The following GSE1 variants were observed in gnomAD, a reference collection of about 807,000 sequenced individuals.
GSE1 encodes genetic suppressor element 1.
GSE1 carries 32 observed loss-of-function variants against 112.6 expected under a neutral mutation model. That is an observed-to-expected ratio of 0.28 (90% CI 0.21 to 0.38). The LOEUF (loss-of-function observed/expected upper bound fraction) is 0.38. Ranked by LOEUF, GSE1 falls within the 10% of genes least tolerant of loss-of-function variation. The probability of loss-of-function intolerance (pLI) is 1.00; values close to 1 mark genes in which losing one functional copy is unlikely to be tolerated. For missense variants in GSE1, 2,348 were observed against 1,699.2 expected (o/e 1.38, Z -6.71); for synonymous variants, 1,115 against 735.6 (o/e 1.52, Z -8.35).
chr16:85,418,953 A>G (rs975857489), intron 2 of GSE1, among the ~76,000 whole-genome samples: 48 of 152,274 alleles, frequency 3.2e-4, no homozygotes, highest in African/African-American at 1.1e-3. Context: ...TAGTGTTGCC[A>G]GGAGGAGCAG....
intron 2 of GSE1, among the ~76,000 whole-genome samples, chr16:85,521,699 C>T (rs758782404): frequency 1.6e-4 from 25 of 152,234 alleles, no homozygotes; most frequent in Non-Finnish European, 3.2e-4. Flanking sequence ...TTCCATCTCC[C>T]GCCTGGAGGA....
intron 2 of GSE1, among the ~76,000 whole-genome samples, chr16:85,456,641 G>GTGTGT (rs1567502079): frequency 1.4e-4 from 13 of 94,038 alleles, no homozygotes; most frequent in African/African-American, 2.5e-4. Flanking sequence ...TGTGTGTGTG[G>GTGTGT]TCTGCCATTT....
chr16:85,188,280 G>A lies in GSE1; in HGVS notation c.2283+16473G>A, dbSNP rs189248456. On this transcript the variant is annotated intron_variant, in intron 1 of 2. Coordinates refer to the GSE1 transcript ENST00000637419. ...ACCTGCTGCCTGACCGTCTGTCTGCGGGCCCTGTTCCCTCATCTGTATATG... is the reference window on the plus strand; with the variant it reads ...ACCTGCTGCCTGACCGTCTGTCTGCAGGCCCTGTTCCCTCATCTGTATATG... 8.6e-3 allele frequency among the ~76,000 whole-genome samples: 1,220 copies of A among 141,324 alleles called. 3 individuals are homozygous for A. Among genetic ancestry groups the A allele is most frequent in the Non-Finnish European group, 0.015 (930 of 63,892 alleles). 92.7% of individuals were successfully genotyped at this position (141,324 alleles called of 152,430 possible). A position where few individuals can be genotyped will look rare whatever the true frequency, so the allele number is the denominator to read the frequency against.
At chr16:85,306,585 G>C (rs1256858822) in intron 1 of GSE1, among the ~76,000 whole-genome samples, 1 of 152,174 alleles carries the variant, frequency 6.6e-6, no homozygotes, top group African/African-American at 2.4e-5. Context: ...GGTCTCCTCT[G>C]TCACCCAGGC....
chr16:85,396,231 G>A (rs1195409380), intron 2 of GSE1, among the ~76,000 whole-genome samples: 5 of 152,214 alleles, frequency 3.3e-5, no homozygotes, highest in African/African-American at 9.7e-5. Context: ...GAGGCAGGAG[G>A]ATAACACGCT....
At position 85,666,271 on chromosome 16, in the gene GSE1, T is replaced by C; in HGVS notation, c.3054T>C (p.Phe1018=). The change falls in exon 13 of 16, where the codon TTT becomes TTC. Residue 1018 remains phenylalanine, a synonymous_variant. Transcript: ENST00000253458. ...TNGKSKPWEP[F]VAEEFAHQFH... ...GGAAGAGCAAGCCGTGGGAGCCCTT[T>C]GTGGCAGAAGAGTTTGCACATCAGT... is the stretch of plus-strand genomic sequence containing the variant. 1.2e-6 allele frequency: 2 copies of C among 1,613,886 alleles called. No individual in the cohort carries two copies. The highest frequency in any genetic ancestry group is 1.1e-5 in the South Asian group (1 of 91,086).
intron 2 of GSE1, among the ~76,000 whole-genome samples, chr16:85,472,270 G>C (rs1054283410): frequency 3.9e-5 from 6 of 152,216 alleles, no homozygotes; most frequent in Non-Finnish European, 8.8e-5. Flanking sequence ...TTACAGACCA[G>C]GAGTCCAAAA....
At chr16:85,655,582 C>A in intron 5 of GSE1, 144 bp from the exon 6 acceptor site, 2 of 590,930 alleles carry the variant, frequency 3.4e-6, no homozygotes, top group Admixed American at 3.3e-5. Context: ...GGGCTAGCAG[C>A]AGGCATGGTC....
chr16:85,263,412 AAC>A (rs1165731313), intron 1 of GSE1, among the ~76,000 whole-genome samples: 10 of 152,080 alleles, frequency 6.6e-5, no homozygotes, highest in Non-Finnish European at 1.0e-4. Flanking sequence ...CTGCGTCTCT[AAC>A]AAGTTTCCAG....
intron 2 of GSE1, among the ~76,000 whole-genome samples, chr16:85,410,281 A>C (rs2048478724): frequency 2.3e-5 from 1 of 42,684 alleles, no homozygotes; most frequent in Non-Finnish European, 3.6e-5. Context: ...GATAATCCTC[A>C]CCGTTGCACT....
intron 2 of GSE1, among the ~76,000 whole-genome samples, chr16:85,478,927 CTCTTTCTTTCTTTCTTTCTTTT>C (rs757105092): frequency 0.16 from 4,461 of 27,736 alleles, 494 homozygotes; most frequent in Middle Eastern, 0.22. Flanking sequence ...TTCTTTCTTT[CTCTTTCTTTCTTTCTTTCTTTT>C]TTTTTCTTTC....
intron 1 of GSE1, among the ~76,000 whole-genome samples, chr16:85,622,602 G>A (rs1471567282): frequency 1.3e-5 from 2 of 152,210 alleles, no homozygotes; most frequent in East Asian, 3.8e-4. Flanking sequence ...CCTGGGGAGA[G>A]GGTCTGGTCC....
intron 2 of GSE1, among the ~76,000 whole-genome samples, chr16:85,514,302 A>G (rs1243117646): frequency 6.7e-6 from 1 of 148,426 alleles, no homozygotes; most frequent in African/African-American, 2.6e-5. Flanking sequence ...AGGGCCAGGA[A>G]CCCCCAGGCC....
At chr16:85,404,019 T>C (rs60731485) in intron 2 of GSE1, among the ~76,000 whole-genome samples, 107,660 of 151,316 alleles carry the variant, frequency 0.71, 38,746 homozygotes, top group African/African-American at 0.8. Context: ...GTGCCGTCCT[T>C]ACGGGGCCTT....
chr16:85,500,753 C>G (rs1211059681), intron 2 of GSE1, among the ~76,000 whole-genome samples: 1 of 152,196 alleles, frequency 6.6e-6, no homozygotes, highest in Non-Finnish European at 1.5e-5. Context: ...GGGCTTGAAA[C>G]AACAGAAATG....
chr16:85,351,524 T>C (rs1172045493), intron 1 of GSE1, among the ~76,000 whole-genome samples: 1 of 151,276 alleles, frequency 6.6e-6, no homozygotes, highest in Admixed American at 6.6e-5. Context: ...AGGATGGGGT[T>C]GACGGGGGCT....
chr16:85,580,854 G>T (rs1413253942), intron 1 of GSE1, among the ~76,000 whole-genome samples: 1 of 152,256 alleles, frequency 6.6e-6, no homozygotes, highest in African/African-American at 2.4e-5. Flanking sequence ...TCCAAGCAGG[G>T]AGCCCTCCAC....
chr16:85,575,155 GCACGCACAGTTT>G (rs1567606425), intron 1 of GSE1, among the ~76,000 whole-genome samples: 1 of 152,144 alleles, frequency 6.6e-6, no homozygotes, highest in Non-Finnish European at 1.5e-5. Context: ...AATGTCAGAG[GCACGCACAGTTT>G]GAAGAAATAC....
At chr16:85,357,719 G>T (rs1444392677) in intron 2 of GSE1, 3 of 997,950 alleles carry the variant, frequency 3.0e-6, no homozygotes, top group Non-Finnish European at 4.1e-6. Context: ...GGGGCTCCCA[G>T]AGCCGAGTTC....
Sources: allele counts gnomAD v4.1 joint callset (sites outside exome capture counted in the v4.1 genomes callset), GRCh38; gene constraint gnomAD v4.1.1; transcripts MANE v1.5; gene names NCBI Gene and HGNC (gene_info 2026-07-23, HGNC 2026-07-21).